Variants in ERLIN1 observed in about 807,000 individuals in gnomAD.
ERLIN1 encodes the protein erlin-1.
A neutral mutation model predicts 46.9 loss-of-function variants in ERLIN1; 24 were observed. The observed-to-expected ratio is 0.51, with a 90% CI of 0.37 to 0.72. The LOEUF (loss-of-function observed/expected upper bound fraction) is 0.72. ERLIN1 is among the 30% of genes least tolerant of loss of function. The probability of loss-of-function intolerance (pLI) is 0.00; values close to 1 mark genes in which losing one functional copy is unlikely to be tolerated. For missense variants in ERLIN1, 293 were observed against 417.9 expected, an observed-to-expected ratio of 0.70 and a Z score of 2.61; for synonymous variants, 158 against 143.2, an observed-to-expected ratio of 1.10 and a Z score of -0.74.
At chr10:100,166,029 A>G (rs552729017) in intron 7 of ERLIN1, among the ~76,000 whole-genome samples, 22 of 152,208 alleles carry the variant, frequency 1.4e-4, no homozygotes, top group Non-Finnish European at 2.9e-4. Context: ...GCCCGCCTAT[A>G]AATATTTTTT....
chr10:100,177,997 A>G, intron 4 of ERLIN1, 136 bp downstream of exon 4: 1 of 637,430 alleles, frequency 1.6e-6, no homozygotes, highest in South Asian at 2.0e-5. Flanking sequence ...TTTTGCCTCT[A>G]TTCCCCAGAA....
intron 1 of ERLIN1, among the ~76,000 whole-genome samples, chr10:100,185,226 A>G (rs904241106): frequency 1.3e-5 from 2 of 152,236 alleles, no homozygotes; most frequent in African/African-American, 4.8e-5. Flanking sequence ...AGTTAGAGGT[A>G]GAGTGACTAC....
At chr10:100,183,728 A>G (rs1247126093) in intron 2 of ERLIN1, 28 bp downstream of exon 2, 3 of 1,513,680 alleles carry the variant, frequency 2.0e-6, no homozygotes, top group Non-Finnish European at 2.7e-6. Context: ...TCTATCTGGT[A>G]TGGAGGCTTC....
intron 7 of ERLIN1, among the ~76,000 whole-genome samples, chr10:100,166,018 A>AGCCC (rs1428445167): frequency 1.3e-5 from 2 of 152,202 alleles, no homozygotes; most frequent in Non-Finnish European, 2.9e-5. Context: ...AAGCCACCAC[A>AGCCC]GCCCGCCTAT....
At chr10:100,163,975 A>G (rs1408799711) in intron 8 of ERLIN1, 29 bp downstream of exon 8, 1 of 1,415,410 alleles carries the variant, frequency 7.1e-7, no homozygotes, top group East Asian at 2.3e-5. Context: ...ATGTACTTAG[A>G]GACAATCATT....
chr10:100,173,798 T>G (rs1471460026), intron 6 of ERLIN1, among the ~76,000 whole-genome samples: 1 of 152,234 alleles, frequency 6.6e-6, no homozygotes, highest in Non-Finnish European at 1.5e-5. Context: ...GCAATAATCA[T>G]TCAATAGATT....
Position 100,179,252 on chromosome 10 carries a change from G to A in ERLIN1, c.196-5C>T. 1 of 1,588,770 alleles carries A rather than the reference G, an allele frequency of 6.3e-7. No individual in the cohort carries two copies. The highest frequency in any genetic ancestry group is 1.1e-5 in the South Asian group (1 of 87,404). ...TTCATCAGTTTGTAGTGTTGTCTAGGGAGGAAAAGATATCTCATCAACACT... is the reference window on the plus strand; with the variant it reads ...TTCATCAGTTTGTAGTGTTGTCTAGAGAGGAAAAGATATCTCATCAACACT... On this transcript the variant is annotated splice_region_variant and splice_polypyrimidine_tract_variant and intron_variant, in intron 2 of 10. Coordinates refer to ENST00000421367, the MANE Select transcript of ERLIN1 (RefSeq NM_006459.4).
rs563895529 is a variant in ERLIN1, at chr10:100,178,050, T to C, written c.304+83A>G. 7.6e-4 allele frequency: 676 copies of C among 889,274 alleles called. 7 individuals carry two copies. In the African/African-American group the frequency reaches 0.011, roughly 14 times the overall value. 55.1% of individuals were successfully genotyped at this position (889,274 alleles called of 1,614,324 possible). On this transcript the variant is annotated intron_variant, in intron 4 of 10. Coordinates refer to ENST00000421367, the MANE Select transcript of ERLIN1 (RefSeq NM_006459.4). ...CAATGAAGTCATAAAACTTTCAAAG[T>C]ACCCTTCTATTCCTCAAAGAATCTC...
intron 10 of ERLIN1, among the ~76,000 whole-genome samples, chr10:100,152,621 A>G (rs1302448831): frequency 1.3e-5 from 2 of 152,266 alleles, no homozygotes; most frequent in African/African-American, 2.4e-5. Flanking sequence ...ACAATTTGTG[A>G]TAACTAATGA....
Position 100,186,027 on chromosome 10 carries a change from A to C in ERLIN1, c.-401T>G, listed in dbSNP as rs1317831564. 1 of 418,714 alleles carries C rather than the reference A, an allele frequency of 2.4e-6. No individual in the cohort carries two copies. Among genetic ancestry groups the C allele is most frequent in the Non-Finnish European group, 4.2e-6 (1 of 238,696 alleles). 25.9% of individuals were successfully genotyped at this position (418,714 alleles called of 1,614,324 possible). A position where few individuals can be genotyped will look rare whatever the true frequency, so the allele number is the denominator to read the frequency against. ...CTCCCGCGCCGAGCCAACCGCCGCC[A>C]ACAGCCGGCCCCGCCCACTCGCCCA... On this transcript the variant is annotated 5_prime_UTR_variant, in exon 1 of 11. Transcript: ENST00000421367.
At chr10:100,161,995 A>G (rs1158728670) in intron 8 of ERLIN1, among the ~76,000 whole-genome samples, 1 of 152,144 alleles carries the variant, frequency 6.6e-6, no homozygotes, top group Non-Finnish European at 1.5e-5. Flanking sequence ...ACTTTGGACT[A>G]GGGAAAGAAT....
At chr10:100,177,415 G>A (rs1396737285) in intron 4 of ERLIN1, among the ~76,000 whole-genome samples, 3 of 152,124 alleles carry the variant, frequency 2.0e-5, no homozygotes, top group African/African-American at 7.2e-5. Context: ...ATTTGTGCCT[G>A]TACCGGTTAT....
intron 6 of ERLIN1, among the ~76,000 whole-genome samples, chr10:100,169,092 T>A (rs982399781): frequency 1.3e-5 from 2 of 152,190 alleles, no homozygotes; most frequent in African/African-American, 4.8e-5. Context: ...TGTGAAAACA[T>A]AAACACTTAC....
chr10:100,159,380 A>C (rs1474590866), intron 8 of ERLIN1, among the ~76,000 whole-genome samples: 1 of 152,192 alleles, frequency 6.6e-6, no homozygotes, highest in African/African-American at 2.4e-5. Context: ...AAAAATTAGA[A>C]GAATACAGAA....
intron 9 of ERLIN1, among the ~76,000 whole-genome samples, chr10:100,155,635 C>T (rs1196526869): frequency 6.6e-6 from 1 of 152,018 alleles, no homozygotes; most frequent in African/African-American, 2.4e-5. Context: ...CTGCCTCAGC[C>T]TCCCAAGTAG....
In ERLIN1 at chr10:100,158,346, C is replaced by T. The variant is rs117693496; in HGVS notation, c.656-2112G>A. On this transcript the variant is annotated intron_variant, in intron 8 of 10. Transcript: ENST00000421367. Reference sequence around the variant, plus strand: ...AGAAAGGCTGATTACTCAAAAGGAACAACTGGACTAACAACATACTTGTAA... The same window carrying T: ...AGAAAGGCTGATTACTCAAAAGGAATAACTGGACTAACAACATACTTGTAA... Among the ~76,000 whole-genome samples, 7 of 152,210 alleles carry T rather than the reference C, an allele frequency of 4.6e-5. No homozygotes were observed. The East Asian group carries it at 1.4e-3, about 29-fold the overall frequency.
In ERLIN1 at chr10:100,164,190, T is replaced by C; in HGVS notation, c.564-95A>G. 4 of 749,524 alleles carry C rather than the reference T, an allele frequency of 5.3e-6. No homozygotes were observed. In the East Asian group the frequency reaches 8.0e-5, roughly 15 times the overall value. The allele number at this position is 749,524 out of a possible 1,614,324, so 46.4% of individuals were successfully genotyped here. On this transcript the variant is annotated intron_variant, in intron 7 of 10. Transcript: ENST00000421367. ...CCTACAGTGAGTCAGAGAACCGTTTTGTCAACATGAGCTTTTGGACCCATT... is the reference window on the plus strand; with the variant it reads ...CCTACAGTGAGTCAGAGAACCGTTTCGTCAACATGAGCTTTTGGACCCATT...
chr10:100,164,076 G>T lies in ERLIN1; in HGVS notation c.583C>A (p.Leu195Ile). The change falls in exon 8 of 11, where the codon CTC (leucine) becomes ATC (isoleucine). Residue 195 changes from leucine (L) to isoleucine (I), a missense_variant. By Grantham distance (5) the Leu-to-Ile change is conservative. Coordinates refer to ENST00000421367, the MANE Select transcript of ERLIN1 (RefSeq NM_006459.4). ...FELMEAEKTK[L>I]LIAAQKQKVV... Reference sequence around the variant, plus strand: ...TTTTGTTTCTGTGCAGCTATAAGGAGTTTTGTCTTCTCAGCCTCCCTGTGA... The same window carrying T: ...TTTTGTTTCTGTGCAGCTATAAGGATTTTTGTCTTCTCAGCCTCCCTGTGA... 1 of 1,612,724 alleles carries T rather than the reference G, an allele frequency of 6.2e-7. No homozygotes were observed. The highest frequency in any genetic ancestry group is 8.5e-7 in the Non-Finnish European group (1 of 1,179,186).
chr10:100,174,059 TG>T, intron 6 of ERLIN1, 148 bp downstream of exon 6: 3 of 602,776 alleles, frequency 5.0e-6, no homozygotes, highest in Non-Finnish European at 8.9e-6. Flanking sequence ...TATTTTATTT[TG>T]GCAGAGATCT....
Sources: gnomAD v4.1 joint callset for allele counts (sites outside exome capture counted in the v4.1 genomes callset) on GRCh38, gnomAD v4.1.1 for gene constraint, MANE v1.5 for transcripts, NCBI Gene and HGNC (gene_info 2026-07-23, HGNC 2026-07-21) for gene names.